Variants in PES1 observed in about 807,000 individuals in gnomAD.
PES1 encodes the protein pescadillo homolog.
A neutral mutation model predicts 77.1 loss-of-function variants in PES1; 31 were observed. That is an observed-to-expected ratio of 0.40 (90% CI 0.30 to 0.54). The LOEUF (loss-of-function observed/expected upper bound fraction) is 0.54, where lower values mean the gene tolerates loss of function less well. Ranked by LOEUF, PES1 falls within the 20% of genes least tolerant of loss-of-function variation. The pLI, the probability that PES1 is intolerant of heterozygous loss-of-function variation, is 0.45. For missense variants in PES1, 658 were observed against 771.7 expected (o/e 0.85, Z 1.75); for synonymous variants, 282 against 303.0 (o/e 0.93, Z 0.72).
upstream of PES1, among the ~76,000 whole-genome samples, chr22:30,592,678 T>G (rs917428931): frequency 6.6e-6 from 1 of 152,158 alleles, no homozygotes; most frequent in East Asian, 1.9e-4. Flanking sequence ...ACGCCTGTAA[T>G]CCCAGCTACT....
At chr22:30,592,341 G>A (rs1434877885), upstream of PES1, 2 of 989,728 alleles carry the variant, frequency 2.0e-6, no homozygotes, top group Non-Finnish European at 2.4e-6. Flanking sequence ...GGCAGGGTGA[G>A]ACTGCGCTGA....
At chr22:30,584,294 C>T in intron 6 of PES1, 71 bp downstream of exon 6, 2 of 1,232,314 alleles carry the variant, frequency 1.6e-6, no homozygotes, top group Non-Finnish European at 2.3e-6. Context: ...ACAGCAAAAT[C>T]CCCCTTCCTC....
At chr22:30,606,907 G>A in exon 1 of PES1, 1 of 1,067,134 alleles carries the variant, frequency 9.4e-7, no homozygotes. Flanking sequence ...TAGGCACCCG[G>A]TCCTGCCAAT....
upstream of PES1, among the ~76,000 whole-genome samples, chr22:30,592,898 G>T (rs2087204415): frequency 6.6e-6 from 1 of 151,962 alleles, no homozygotes; most frequent in African/African-American, 2.4e-5. Context: ...ATAATTCCAA[G>T]ATTTATACAA....
rs895413263 is a variant in PES1, at chr22:30,584,397, C to T, written c.598G>A (p.Val200Met). The stretch of plus-strand genomic sequence containing the variant: ...GAGAAGGCATAGGGAGTGATCCACA[C>T]GATGGGCTGCCCCAGTACCTCGGCC... The part of the protein sequence containing the change: ...YQAEVLGQPI[V>M]WITPYAFSHD... The change falls in exon 6 of 15, where the codon GTG becomes ATG. Residue 200 changes from valine (V) to methionine (M), a missense_variant. Val to Met is a conservative substitution (Grantham distance 21). Coordinates refer to ENST00000354694, the MANE Select transcript of PES1 (RefSeq NM_014303.4). 1.6e-5 allele frequency: 25 copies of T among 1,612,110 alleles called. No homozygotes were observed. The highest frequency in any genetic ancestry group is 2.2e-5 in the East Asian group (1 of 44,820).
upstream of PES1, among the ~76,000 whole-genome samples, chr22:30,596,458 T>G (rs578015313): frequency 9.3e-5 from 14 of 151,228 alleles, no homozygotes; most frequent in Non-Finnish European, 1.6e-4. Context: ...GTGCTGGGAT[T>G]ACAGGCATGA....
At chr22:30,590,464 C>T (rs2087160007) in intron 1 of PES1, among the ~76,000 whole-genome samples, 1 of 152,154 alleles carries the variant, frequency 6.6e-6, no homozygotes, top group Non-Finnish European at 1.5e-5. Flanking sequence ...TTCATTCTTT[C>T]CTTTAGACAT....
At position 30,579,757 on chromosome 22, in the gene PES1, C is replaced by T. The variant is rs1339107647; in HGVS notation, c.1348G>A (p.Asp450Asn). 1 of 1,613,798 alleles carries T rather than the reference C, an allele frequency of 6.2e-7. No homozygotes were observed. Among genetic ancestry groups the T allele is most frequent in the South Asian group, 1.1e-5 (1 of 91,048 alleles). ...CCAGTCCCATCCCGCTCACCTGGGT[C>T]CTCTCCCCGCTGCAGAGCCAGCAGC... ...LKLLALQRGEDPGNLNESEEE... is the reference protein window; with the variant it reads ...LKLLALQRGENPGNLNESEEE... Residue 450 changes from aspartate to asparagine, a missense_variant, in exon 12 of 15, where the codon GAC becomes AAC. Physicochemically the swap from Asp to Asn is conservative, Grantham distance 23. Coordinates refer to ENST00000354694, the MANE Select transcript of PES1 (RefSeq NM_014303.4).
At chr22:30,586,846 G>C (rs1399768301) in intron 4 of PES1, among the ~76,000 whole-genome samples, 2 of 152,212 alleles carry the variant, frequency 1.3e-5, no homozygotes, top group Non-Finnish European at 2.9e-5. Flanking sequence ...CTACTCAGGA[G>C]GCTGAGGCAG....
chr22:30,580,688 T>C lies in PES1; in HGVS notation c.926A>G (p.Gln309Arg), dbSNP rs1195318679. The C allele has an allele frequency of 6.2e-7, 1 of 1,613,352 alleles. No individual in the cohort carries two copies. The highest frequency in any genetic ancestry group is 8.5e-7 in the Non-Finnish European group (1 of 1,180,012). Reference protein sequence around the residue: ...EFPTDGEMSAQEEDRRKELEA... With the variant: ...EFPTDGEMSAREEDRRKELEA... Reference sequence around the variant, plus strand: ...CAGCTCCTTCCTGCGGTCTTCCTCCTGCGCTGACATCTCCTGTTGAGAAAG... The same window carrying C: ...CAGCTCCTTCCTGCGGTCTTCCTCCCGCGCTGACATCTCCTGTTGAGAAAG... Residue 309 changes from glutamine to arginine, a missense_variant, in exon 10 of 15, where the codon CAG becomes CGG. Gln to Arg is a conservative substitution (Grantham distance 43). Coordinates refer to ENST00000354694, the MANE Select transcript of PES1 (RefSeq NM_014303.4).
At chr22:30,597,843 G>A (rs980605763) in intron 2 of PES1, among the ~76,000 whole-genome samples, 5 of 151,464 alleles carry the variant, frequency 3.3e-5, no homozygotes, top group African/African-American at 9.7e-5. Flanking sequence ...CTCAGCTGTG[G>A]TAACTCGCTC....
At chr22:30,584,519 A>G (rs2146468095) in intron 5 of PES1, 27 bp downstream of exon 5, 1 of 1,608,888 alleles carries the variant, frequency 6.2e-7, no homozygotes, top group Non-Finnish European at 8.5e-7. Flanking sequence ...GCAGGGTGGG[A>G]TGCCAGCCGG....
intron 14 of PES1, 145 bp from the exon 15 acceptor site, chr22:30,577,274 T>C: frequency 1.5e-6 from 1 of 682,752 alleles, no homozygotes. Flanking sequence ...CTGACCCACT[T>C]CATGGTGAGA....
At chr22:30,605,465 G>A (rs1252142459) in exon 2 of PES1, 4 of 985,276 alleles carry the variant, frequency 4.1e-6, no homozygotes, top group South Asian at 4.7e-5. Flanking sequence ...TCTCACCAGA[G>A]GCTGACGATA....
At chr22:30,589,357 T>C in intron 1 of PES1, 87 bp from the exon 2 acceptor site, 1 of 1,093,446 alleles carries the variant, frequency 9.1e-7, no homozygotes, top group Non-Finnish European at 1.4e-6. Context: ...CAGAGGCAAC[T>C]ATCACTCTGG....
upstream of PES1, chr22:30,591,976 G>A (rs1232106037): frequency 1.5e-5 from 21 of 1,387,424 alleles, no homozygotes; most frequent in Admixed American, 6.9e-5. Context: ...GCCTGTACAA[G>A]TCCAGGGAAA....
chr22:30,598,522 G>T (rs899185030), intron 2 of PES1, among the ~76,000 whole-genome samples: 1 of 152,140 alleles, frequency 6.6e-6, no homozygotes, highest in Non-Finnish European at 1.5e-5. Flanking sequence ...TCTGCTTCCC[G>T]GGTTTAGGTG....
At chr22:30,580,437 G>T in intron 10 of PES1, 134 bp downstream of exon 10, 1 of 1,275,802 alleles carries the variant, frequency 7.8e-7, no homozygotes, top group Non-Finnish European at 1.1e-6. Flanking sequence ...GTGCGGTGCC[G>T]AGCACTTTCC....
At chr22:30,591,947 G>C, upstream of PES1, 1 of 1,442,340 alleles carries the variant, frequency 6.9e-7, no homozygotes, top group Non-Finnish European at 9.1e-7. Context: ...GTCTGTTTGT[G>C]CGGGCTGCCC....
Sources: gnomAD v4.1 joint callset for allele counts (sites outside exome capture counted in the v4.1 genomes callset) on GRCh38, gnomAD v4.1.1 for gene constraint, MANE v1.5 for transcripts, NCBI Gene and HGNC (gene_info 2026-07-23, HGNC 2026-07-21) for gene names.